Variants in SYNE2 observed in about 807,000 individuals in gnomAD.
SYNE2 encodes the protein spectrin repeat containing nuclear envelope protein 2.
In SYNE2, 431 loss-of-function variants were observed where a neutral mutation model predicts 856.3. That is an observed-to-expected ratio of 0.50 (90% CI 0.47 to 0.55). The LOEUF (loss-of-function observed/expected upper bound fraction) is 0.55. SYNE2 is among the 20% of genes least tolerant of loss of function. The pLI, the probability that SYNE2 is intolerant of heterozygous loss-of-function variation, is 0.00. For synonymous variants in SYNE2, 2,923 were observed against 2,872.3 expected, an observed-to-expected ratio of 1.02 and a Z score of -0.56; for missense variants, 8,129 against 8,023.2, an observed-to-expected ratio of 1.01 and a Z score of -0.50.
intron 1 of SYNE2, among the ~76,000 whole-genome samples, chr14:63,788,809 C>T (rs1213341159): frequency 6.6e-6 from 1 of 152,154 alleles, no homozygotes; most frequent in Non-Finnish European, 1.5e-5. Flanking sequence ...TGGAGTTTCC[C>T]CCAGAACTAA....
rs537853143 is a variant in SYNE2 at position 63,950,314 on chromosome 14, G to A, written c.590+308G>A. Among the ~76,000 whole-genome samples the A allele has an allele frequency of 5.9e-5, 9 of 152,292 alleles. No individual in the cohort carries two copies. The South Asian group carries it at 1.9e-3, about 32-fold the overall frequency. On this transcript the variant is annotated intron_variant, in intron 7 of 115. Transcript: ENST00000555002. ...CACTCCTATAATCCCAGCACTTTGG[G>A]AGGCTGAGGCGGGTAGATCACTTGA...
At chr14:64,188,067 C>G (rs75304923) in intron 97 of SYNE2, among the ~76,000 whole-genome samples, 1,734 of 152,078 alleles carry the variant, frequency 0.011, 42 homozygotes, top group African/African-American at 0.039. Context: ...TGTTTTGAAG[C>G]ATAACACTAA....
intron 49 of SYNE2, 115 bp from the exon 50 acceptor site, chr14:64,062,636 A>C: frequency 9.2e-7 from 1 of 1,086,646 alleles, no homozygotes. Context: ...GCAAAAACGA[A>C]AGTTGTCATA....
rs375789929 is a variant in SYNE2, at chr14:64,003,186, T to C, written c.4253T>C (p.Val1418Ala). The change falls in exon 30 of 116, where the codon GTA (valine) becomes GCA (alanine). Residue 1418 changes from valine to alanine, a missense_variant. Coordinates refer to ENST00000555002, the MANE Select transcript of SYNE2 (RefSeq NM_182914.3). ...IKLSETHGYG[V>A]QEEFTEENKL... ...TTATCTGAGACACATGGCTATGGGGTACAGGAGGAATTCACTGAGGAAAAC... is the reference window on the plus strand; with the variant it reads ...TTATCTGAGACACATGGCTATGGGGCACAGGAGGAATTCACTGAGGAAAAC... 8.7e-6 allele frequency: 14 copies of C among 1,614,052 alleles called. No homozygotes were observed. Among genetic ancestry groups the C allele is most frequent in the African/African-American group, 8.0e-5 (6 of 74,938 alleles).
At position 64,223,377 on chromosome 14, in the gene SYNE2, C is replaced by T; in HGVS notation, c.20379C>T (p.Thr6793=). 1 of 1,613,692 alleles carries T rather than the reference C, an allele frequency of 6.2e-7. No homozygotes were observed. Among genetic ancestry groups the T allele is most frequent in the South Asian group, 1.1e-5 (1 of 90,924 alleles). ...VSQDLMALQG[T]QNPASPLPSF... ...AAGATTTAATGGCCTTGCAGGGAAC[C>T]CAGGTGAGTCTACTTGTAGCTTTTA... is the stretch of plus-strand genomic sequence containing the variant. The change falls in exon 113 of 116, where the codon ACC becomes ACT. Residue 6793 remains threonine (T), a synonymous_variant. Coordinates refer to ENST00000555002, the MANE Select transcript of SYNE2 (RefSeq NM_182914.3).
chr14:63,942,446 G>A (rs2095933825), intron 6 of SYNE2, among the ~76,000 whole-genome samples: 1 of 152,148 alleles, frequency 6.6e-6, no homozygotes, highest in Non-Finnish European at 1.5e-5. Flanking sequence ...AGCCTCCTGA[G>A]TGGTTGGGAC....
chr14:64,016,991 G>C (rs1420095877), intron 33 of SYNE2, among the ~76,000 whole-genome samples: 5 of 151,638 alleles, frequency 3.3e-5, no homozygotes, highest in Non-Finnish European at 2.9e-5. Flanking sequence ...TTTTCATCTG[G>C]GTTTTTAAAA....
chr14:64,023,084 T>C (rs1012333303), intron 38 of SYNE2: 3 of 512,470 alleles, frequency 5.9e-6, no homozygotes, highest in Non-Finnish European at 7.0e-6. Context: ...TGGTGAAACC[T>C]TATCTCTACA....
chr14:64,204,409 T>G (rs1156946870), intron 100 of SYNE2: 1 of 152,192 alleles, frequency 6.6e-6, no homozygotes, highest in Non-Finnish European at 1.5e-5. Context: ...TTCAGGTAGA[T>G]TATATGGAAG....
intron 1 of SYNE2, among the ~76,000 whole-genome samples, chr14:63,807,866 A>ATATATATATATATATAC (rs1595129664): frequency 2.2e-5 from 1 of 45,364 alleles, no homozygotes. Context: ...TATATATATA[A>ATATATATATATATATAC]TTTCAATAGT....
At position 64,158,681 on chromosome 14, in the gene SYNE2, T is replaced by A. The variant is rs200017178; in HGVS notation, c.15849T>A (p.Asp5283Glu). ...QSVLQEWKIYDQLYDEVNMMT... is the reference protein window; with the variant it reads ...QSVLQEWKIYEQLYDEVNMMT... ...TTTTACAGGAGTGGAAGATTTATGA[T>A]CAACTCTATGATGAAGTGAATATGA... The change falls in exon 86 of 116, where the codon GAT becomes GAA. Residue 5283 changes from aspartate (D) to glutamate (E), a missense_variant. By Grantham distance (45) the Asp-to-Glu change is conservative. This residue lies in a region of SYNE2 where 5,410 missense variants were observed against 5,284.8 expected (regional missense o/e 1.02). Coordinates refer to ENST00000555002, the MANE Select transcript of SYNE2 (RefSeq NM_182914.3). 2.2e-5 allele frequency: 36 copies of A among 1,613,994 alleles called. No individual in the cohort carries two copies. The highest frequency in any genetic ancestry group is 2.8e-5 in the Non-Finnish European group (33 of 1,179,900).
At chr14:63,788,423 A>AG (rs913691878) in intron 1 of SYNE2, among the ~76,000 whole-genome samples, 6 of 152,108 alleles carry the variant, frequency 3.9e-5, no homozygotes, top group African/African-American at 1.4e-4. Flanking sequence ...GCAGTGGGTC[A>AG]GGCAGCTGCA....
At chr14:63,776,509 A>C (rs1887111884) in intron 1 of SYNE2, among the ~76,000 whole-genome samples, 1 of 152,050 alleles carries the variant, frequency 6.6e-6, no homozygotes, top group Non-Finnish European at 1.5e-5. Flanking sequence ...AAATCAGAGG[A>C]GTATTTTACT....
chr14:64,070,147 G>T (rs1040570676), intron 51 of SYNE2, among the ~76,000 whole-genome samples: 1 of 152,168 alleles, frequency 6.6e-6, no homozygotes, highest in African/African-American at 2.4e-5. Context: ...TACTTCACTG[G>T]TTTGGTAATT....
chr14:64,171,493 A>G (rs1476739246), intron 94 of SYNE2, among the ~76,000 whole-genome samples: 1 of 152,170 alleles, frequency 6.6e-6, no homozygotes, highest in Non-Finnish European at 1.5e-5. Flanking sequence ...GCCAGTAGAG[A>G]TGGGGATGTG....
intron 112 of SYNE2, among the ~76,000 whole-genome samples, chr14:64,222,752 A>G (rs2098700659): frequency 6.6e-6 from 1 of 152,102 alleles, no homozygotes; most frequent in African/African-American, 2.4e-5. Flanking sequence ...GAATAGCCAC[A>G]TGTGTCTAGT....
intron 2 of SYNE2, among the ~76,000 whole-genome samples, chr14:63,931,223 T>G (rs758702734): frequency 6.6e-6 from 1 of 152,186 alleles, no homozygotes; most frequent in Non-Finnish European, 1.5e-5. Flanking sequence ...CAAGACGTTT[T>G]ATTAGTAGAA....
intron 9 of SYNE2, 47 bp downstream of exon 9, chr14:63,961,672 C>A: frequency 7.4e-7 from 1 of 1,346,530 alleles, no homozygotes; most frequent in Non-Finnish European, 1.1e-6. Flanking sequence ...TTGTATCCTG[C>A]TAATGGTTTA....
At position 64,167,220 on chromosome 14, in the gene SYNE2, T is replaced by C; in HGVS notation, c.16606-13T>C. 10 of 1,614,032 alleles carry C rather than the reference T, an allele frequency of 6.2e-6. No homozygotes were observed. Among genetic ancestry groups the C allele is most frequent in the Non-Finnish European group, 8.5e-6 (10 of 1,180,038 alleles). On this transcript the variant is annotated splice_polypyrimidine_tract_variant and intron_variant, in intron 90 of 115. Transcript: ENST00000555002. ...GGCATCCAAAAACCTGTACTTCAAT[T>C]TTTTAAAAATAGAATCATGTGCTGG...
Sources: gnomAD v4.1 joint callset for allele counts (sites outside exome capture counted in the v4.1 genomes callset) on GRCh38, gnomAD v4.1.1 for gene constraint, gnomAD v4.1.1 regional missense constraint, MANE v1.5 for transcripts, NCBI Gene and HGNC (gene_info 2026-07-23, HGNC 2026-07-21) for gene names.